The following ARMC6 variants were observed in gnomAD, a reference collection of about 807,000 sequenced individuals.
ARMC6 encodes the protein armadillo repeat containing 6.
A neutral mutation model predicts 49.2 loss-of-function variants in ARMC6; 43 were observed. That is an observed-to-expected ratio of 0.87 (90% CI 0.69 to 1.13). The LOEUF is 1.13. ARMC6 is among the 50% of genes most tolerant of loss of function. The pLI is 0.00. For missense variants in ARMC6, 627 were observed against 682.0 expected (o/e 0.92, Z 0.90); for synonymous variants, 262 against 289.6 (o/e 0.90, Z 0.97).
At chr19:19,054,472 C>A in intron 6 of ARMC6, 151 bp downstream of exon 6, 1 of 797,524 alleles carries the variant, frequency 1.3e-6, no homozygotes, top group Non-Finnish European at 1.8e-6. Context: ...AACCAAAGGT[C>A]GGGGGGGAAA....
chr19:19,049,321 A>G (rs542790934), intron 4 of ARMC6, among the ~76,000 whole-genome samples: 143 of 152,136 alleles, frequency 9.4e-4, no homozygotes, highest in Admixed American at 1.6e-3. Context: ...CCCAAAGTGA[A>G]GAGATTACAG....
chr19:19,045,511 A>T (rs1385187173), intron 4 of ARMC6, among the ~76,000 whole-genome samples: 1 of 6,028 alleles, frequency 1.7e-4, no homozygotes, highest in South Asian at 4.1e-3. Context: ...TTTTGAGACA[A>T]GAGTCTCACT....
At chr19:19,049,713 T>C (rs2059481090) in intron 4 of ARMC6, among the ~76,000 whole-genome samples, 1 of 152,170 alleles carries the variant, frequency 6.6e-6, no homozygotes. Flanking sequence ...ATTTGACTAC[T>C]CCAGGACCTC....
intron 2 of ARMC6, chr19:19,037,751 C>T (rs1348976145): frequency 2.9e-6 from 3 of 1,046,092 alleles, no homozygotes; most frequent in Admixed American, 9.1e-5. Flanking sequence ...TTGTTAACCT[C>T]TGTTAGGCTC....
chr19:19,050,234 G>A (rs925987761), intron 4 of ARMC6, among the ~76,000 whole-genome samples: 3 of 152,054 alleles, frequency 2.0e-5, no homozygotes, highest in Non-Finnish European at 4.4e-5. Flanking sequence ...GCAATGGCAC[G>A]AGCTCAGCTC....
chr19:19,052,702 AC>A (rs1373987139), intron 5 of ARMC6, among the ~76,000 whole-genome samples: 2 of 151,776 alleles, frequency 1.3e-5, no homozygotes, highest in Non-Finnish European at 2.9e-5. Flanking sequence ...CTTAACCCCT[AC>A]CCCCATCCCA....
chr19:19,049,546 T>C (rs2145868351), intron 4 of ARMC6, among the ~76,000 whole-genome samples: 1 of 152,338 alleles, frequency 6.6e-6, no homozygotes, highest in African/African-American at 2.4e-5. Context: ...CATTTACCAT[T>C]GTAACCATTT....
At chr19:19,054,053 A>G in intron 5 of ARMC6, 99 bp from the exon 6 acceptor site, 1 of 1,265,368 alleles carries the variant, frequency 7.9e-7, no homozygotes, top group Non-Finnish European at 1.0e-6. Flanking sequence ...AATAGGCAGA[A>G]GGGCTGGACT....
chr19:19,035,023 G>A (rs1241762818), intron 2 of ARMC6, among the ~76,000 whole-genome samples: 1 of 152,080 alleles, frequency 6.6e-6, no homozygotes, highest in Non-Finnish European at 1.5e-5. Flanking sequence ...CACCACGCCC[G>A]GCTAGTTTTT....
rs761448774 is a variant in ARMC6, at chr19:19,044,110, C to T, written c.279+36C>T. 3.8e-6 allele frequency: 6 copies of T among 1,580,906 alleles called. No individual in the cohort carries two copies. In the South Asian group the frequency reaches 6.6e-5, roughly 17 times the overall value. On this transcript the variant is annotated intron_variant, in intron 4 of 8. Transcript: ENST00000535612. Reference sequence around the variant, plus strand: ...GCATCCCACACAGCAGGTCCTGCGTCACCTCTGTCTGGGGGCACCTCTTCC... The same window carrying T: ...GCATCCCACACAGCAGGTCCTGCGTTACCTCTGTCTGGGGGCACCTCTTCC...
chr19:19,037,485 G>C, intron 2 of ARMC6: 5 of 409,200 alleles, frequency 1.2e-5, no homozygotes, highest in South Asian at 9.1e-5. Context: ...TCCCACCTCA[G>C]CCTCCCAAAT....
intron 2 of ARMC6, among the ~76,000 whole-genome samples, chr19:19,042,330 A>G (rs1471701660): frequency 6.6e-6 from 1 of 151,874 alleles, no homozygotes; most frequent in Non-Finnish European, 1.5e-5. Context: ...AATGTAGTAA[A>G]CTCTGTGTTC....
intron 1 of ARMC6, 34 bp from the exon 2 acceptor site, chr19:19,034,097 G>T (rs2059311294): frequency 2.7e-6 from 2 of 729,196 alleles, no homozygotes; most frequent in Non-Finnish European, 4.6e-6. Context: ...CCTGGCATTC[G>T]CTTTATTTTC....
At chr19:19,046,492 C>T (rs758496750) in intron 4 of ARMC6, among the ~76,000 whole-genome samples, 9 of 150,868 alleles carry the variant, frequency 6.0e-5, no homozygotes, top group Non-Finnish European at 1.3e-4. Flanking sequence ...CCACCACGCC[C>T]AGCCTATTTA....
intron 5 of ARMC6, 111 bp downstream of exon 5, chr19:19,052,306 A>AAGG: frequency 9.6e-7 from 1 of 1,043,656 alleles, no homozygotes; most frequent in Non-Finnish European, 1.4e-6. Flanking sequence ...TCAAGGCTCC[A>AAGG]CTCGCCCCTC....
At position 19,034,228 on chromosome 19, in the gene ARMC6, T is replaced by C. The variant is rs1459294954; in HGVS notation, c.19T>C (p.Ser7Pro). MSERCCSRYSSGASIGC... is the reference protein window; with the variant it reads MSERCCPRYSSGASIGC... ...CAAATAAATGAGTGAACGATGTTGC[T>C]CTAGATACAGGTAATGGTGTGCAAA... Residue 7 changes from serine to proline, a missense_variant, in exon 2 of 9, where the codon TCT (serine) becomes CCT (proline). Transcript: ENST00000535612. 2 of 1,595,166 alleles carry C rather than the reference T, an allele frequency of 1.3e-6. No homozygotes were observed. Among genetic ancestry groups the C allele is most frequent in the Admixed American group, 3.4e-5 (2 of 59,532 alleles).
rs1166828751 is a variant in ARMC6 at position 19,043,874 on chromosome 19, C to T, written c.197-118C>T. On this transcript the variant is annotated intron_variant, in intron 3 of 8. Coordinates refer to ENST00000535612, the MANE Select transcript of ARMC6 (RefSeq NM_001199196.2). ...GCGGGAATAGGGAGGTGGGAGGCTT[C>T]TGGAGTGGGGTGGTCCCAGCAGAAG... 3 of 861,068 alleles carry T rather than the reference C, an allele frequency of 3.5e-6. No homozygotes were observed. In the Admixed American group the frequency reaches 6.1e-5, roughly 17 times the overall value. 53.3% of individuals were successfully genotyped at this position (861,068 alleles called of 1,614,324 possible).
At chr19:19,038,692 C>T (rs1306338059) in intron 2 of ARMC6, among the ~76,000 whole-genome samples, 3 of 152,166 alleles carry the variant, frequency 2.0e-5, no homozygotes, top group Admixed American at 1.3e-4. Context: ...ATTCTCCTGC[C>T]TCAGCCTCCC....
intron 2 of ARMC6, chr19:19,037,600 A>G: frequency 8.1e-7 from 1 of 1,236,108 alleles, no homozygotes; most frequent in Non-Finnish European, 1.0e-6. Flanking sequence ...TCCTGGCCTC[A>G]TGTGATCCTT....
Sources: gnomAD v4.1 joint callset for allele counts (sites outside exome capture counted in the v4.1 genomes callset) on GRCh38, gnomAD v4.1.1 for gene constraint, MANE v1.5 for transcripts, NCBI Gene and HGNC (gene_info 2026-07-23, HGNC 2026-07-21) for gene names.